BRINP3: variants seen among roughly 807,000 people sequenced by gnomAD.
The protein encoded by BRINP3 is BMP/retinoic acid-inducible neural-specific protein 3.
In BRINP3, 19 loss-of-function variants were observed where a neutral mutation model predicts 71.0. The observed-to-expected ratio is 0.27, with a 90% CI of 0.19 to 0.39. The LOEUF (loss-of-function observed/expected upper bound fraction) is 0.39. BRINP3 is among the 10% of genes least tolerant of loss of function. BRINP3 has a pLI of 1.00. For missense variants in BRINP3, 959 were observed against 940.8 expected (o/e 1.02, Z -0.25); for synonymous variants, 380 against 337.7 (o/e 1.13, Z -1.37).
chr1:190,291,136 G>A (rs557157525), intron 2 of BRINP3, among the ~76,000 whole-genome samples: 24 of 152,166 alleles, frequency 1.6e-4, no homozygotes, highest in Admixed American at 4.6e-4. Context: ...AGGAAACAGA[G>A]AATGTAAACC....
At chr1:190,327,341 AAAAAAAAAAGGAAAAAAAAAAAAG>A in intron 2 of BRINP3, among the ~76,000 whole-genome samples, 1 of 134,560 alleles carries the variant, frequency 7.4e-6, no homozygotes, top group Non-Finnish European at 1.6e-5. Context: ...AAAAAAAAAA[AAAAAAAAAAGGAAAAAAAAAAAAG>A]AAAGAAAGAA....
chr1:190,128,263 T>C (rs1654248988), intron 7 of BRINP3, among the ~76,000 whole-genome samples: 1 of 151,840 alleles, frequency 6.6e-6, no homozygotes, highest in East Asian at 1.9e-4. Flanking sequence ...GCAAGATTTA[T>C]CATATAGTAA....
intron 4 of BRINP3, among the ~76,000 whole-genome samples, chr1:190,235,687 T>C (rs1040401393): frequency 6.6e-6 from 1 of 151,970 alleles, no homozygotes; most frequent in Non-Finnish European, 1.5e-5. Flanking sequence ...TGGAACGTTC[T>C]TCCTCAAACT....
intron 7 of BRINP3, among the ~76,000 whole-genome samples, chr1:190,153,328 A>C (rs1270935106): frequency 6.6e-6 from 1 of 152,158 alleles, no homozygotes; most frequent in African/African-American, 2.4e-5. Context: ...TTTGCAGAAA[A>C]TTTATGAGTG....
At chr1:190,311,916 C>T (rs1665548692) in intron 2 of BRINP3, among the ~76,000 whole-genome samples, 1 of 149,450 alleles carries the variant, frequency 6.7e-6, no homozygotes, top group African/African-American at 2.4e-5. Flanking sequence ...ACTCACATAC[C>T]TAGAGGCATG....
chr1:190,401,991 C>CTA (rs955902561), intron 2 of BRINP3, among the ~76,000 whole-genome samples: 8 of 151,504 alleles, frequency 5.3e-5, no homozygotes, highest in Non-Finnish European at 7.4e-5. Flanking sequence ...ATATGAACAA[C>CTA]TATATATATA....
intron 7 of BRINP3, among the ~76,000 whole-genome samples, chr1:190,145,361 AATT>A (rs1655796486): frequency 2.0e-5 from 3 of 152,106 alleles, no homozygotes; most frequent in African/African-American, 7.2e-5. Context: ...CTTCTTTATC[AATT>A]AAGGCATTTG....
At chr1:190,328,720 A>AG (rs986818997) in intron 2 of BRINP3, among the ~76,000 whole-genome samples, 2 of 142,626 alleles carry the variant, frequency 1.4e-5, no homozygotes, top group Admixed American at 7.1e-5. Context: ...GAGACAATGA[A>AG]GAAAAAAAAA....
At chr1:190,320,240 A>G (rs1294040467) in intron 2 of BRINP3, among the ~76,000 whole-genome samples, 1 of 152,134 alleles carries the variant, frequency 6.6e-6, no homozygotes, top group Non-Finnish European at 1.5e-5. Flanking sequence ...TGAAATAAAT[A>G]TCATCTATGC....
intron 7 of BRINP3, among the ~76,000 whole-genome samples, chr1:190,157,526 C>T (rs1656974550): frequency 6.6e-6 from 1 of 152,040 alleles, no homozygotes; most frequent in Admixed American, 6.6e-5. Flanking sequence ...GTCTTTATAA[C>T]CAGACTCATC....
chr1:190,330,238 C>A (rs1004244950), intron 2 of BRINP3, among the ~76,000 whole-genome samples: 1 of 151,732 alleles, frequency 6.6e-6, no homozygotes, highest in Non-Finnish European at 1.5e-5. Flanking sequence ...ACTATGCATG[C>A]GACAAAGGCC....
At chr1:190,205,458 C>T (rs1471898099) in intron 6 of BRINP3, among the ~76,000 whole-genome samples, 1 of 152,040 alleles carries the variant, frequency 6.6e-6, no homozygotes, top group Non-Finnish European at 1.5e-5. Flanking sequence ...TTTTAAAACT[C>T]ATGATCTCCT....
intron 6 of BRINP3, among the ~76,000 whole-genome samples, chr1:190,198,043 C>T (rs1370217536): frequency 6.6e-6 from 1 of 152,118 alleles, no homozygotes. Flanking sequence ...TCTGTGAACC[C>T]ACAGGCCCAA....
chr1:190,317,606 T>C (rs1172202701), intron 2 of BRINP3, among the ~76,000 whole-genome samples: 1 of 151,896 alleles, frequency 6.6e-6, no homozygotes, highest in Non-Finnish European at 1.5e-5. Flanking sequence ...TAATTTATTA[T>C]AATAGTTTCC....
intron 6 of BRINP3, among the ~76,000 whole-genome samples, chr1:190,217,616 C>A (rs1656524228): frequency 6.6e-6 from 1 of 152,066 alleles, no homozygotes; most frequent in Admixed American, 6.6e-5. Context: ...CAAAGTAGGG[C>A]AACTTCTCAA....
intron 7 of BRINP3, among the ~76,000 whole-genome samples, chr1:190,107,463 TGATC>T (rs1467828790): frequency 6.6e-6 from 1 of 152,018 alleles, no homozygotes; most frequent in Non-Finnish European, 1.5e-5. Flanking sequence ...TTACCCTAAA[TGATC>T]TTCCTTAACA....
intron 4 of BRINP3, among the ~76,000 whole-genome samples, chr1:190,247,561 G>T (rs1393270485): frequency 6.6e-6 from 1 of 151,786 alleles, no homozygotes; most frequent in African/African-American, 2.4e-5. Context: ...GCTGCAGAAT[G>T]CCAGAACTCA....
chr1:190,158,118 A>G (rs1657025044), intron 7 of BRINP3, among the ~76,000 whole-genome samples: 1 of 151,894 alleles, frequency 6.6e-6, no homozygotes, highest in Non-Finnish European at 1.5e-5. Flanking sequence ...TGTGGAAGGG[A>G]CCCCGTGGGA....
chr1:190,215,323 C>T (rs909292350), intron 6 of BRINP3, among the ~76,000 whole-genome samples: 1 of 151,682 alleles, frequency 6.6e-6, no homozygotes, highest in Non-Finnish European at 1.5e-5. Context: ...GGTTTTACTC[C>T]CCAAAAATAT....
Sources: gnomAD v4.1 joint callset for allele counts (sites outside exome capture counted in the v4.1 genomes callset) on GRCh38, gnomAD v4.1.1 for gene constraint, MANE v1.5 for transcripts, NCBI Gene and HGNC (gene_info 2026-07-23, HGNC 2026-07-21) for gene names.